The following MRPL58 variants were observed in gnomAD, a reference collection of about 807,000 sequenced individuals.
MRPL58 encodes the protein mitochondrial ribosomal protein L58, also known as large ribosomal subunit protein mL62.
Under a neutral mutation model 26.0 loss-of-function variants are expected in MRPL58, and 17 were observed. That is an observed-to-expected ratio of 0.65 (90% CI 0.45 to 0.98). The LOEUF (loss-of-function observed/expected upper bound fraction) is 0.98, where lower values mean the gene tolerates loss of function less well. MRPL58 is among the 50% of genes least tolerant of loss of function. The pLI is 0.00. For synonymous variants in MRPL58, 100 were observed against 99.7 expected, an observed-to-expected ratio of 1.00 and a Z score of -0.02; for missense variants, 250 against 269.0, an observed-to-expected ratio of 0.93 and a Z score of 0.49.
chr17:75,020,477 G>C lies in MRPL58; in HGVS notation c.367-11G>C. 6.2e-7 allele frequency: 1 copy of C among 1,613,728 alleles called. No homozygotes were observed. Among genetic ancestry groups the C allele is most frequent in the Non-Finnish European group, 8.5e-7 (1 of 1,179,764 alleles). Reference sequence around the variant, plus strand: ...TCTGTAGGACTCCAGTTTTTCATTTGTTCTCTGCAGCATAAAAACAAGATC... The same window carrying C: ...TCTGTAGGACTCCAGTTTTTCATTTCTTCTCTGCAGCATAAAAACAAGATC... On this transcript the variant is annotated splice_polypyrimidine_tract_variant and intron_variant, in intron 4 of 5. Coordinates refer to ENST00000301585, the MANE Select transcript of MRPL58 (RefSeq NM_001545.3).
At chr17:75,016,935 G>A (rs1271866821) in intron 1 of MRPL58, 143 bp from the exon 2 acceptor site, 6 of 706,804 alleles carry the variant, frequency 8.5e-6, no homozygotes, top group Middle Eastern at 2.9e-4. Flanking sequence ...TTCTGTCATC[G>A]TGATATCATT....
At position 75,020,370 on chromosome 17, in the gene MRPL58, C is replaced by G; in HGVS notation, c.341C>G (p.Pro114Arg). 6.2e-7 allele frequency: 1 copy of G among 1,614,114 alleles called. No individual in the cohort carries two copies. Among genetic ancestry groups the G allele is most frequent in the South Asian group, 1.1e-5 (1 of 91,082 alleles). ...GCAACTGCCGAGTGGATCGCGGAGCCCGTGCGGCAGAAGATAGCCATCACG... is the reference window on the plus strand; with the variant it reads ...GCAACTGCCGAGTGGATCGCGGAGCGCGTGCGGCAGAAGATAGCCATCACG... The part of the protein sequence containing the change: ...HLATAEWIAE[P>R]VRQKIAITHK... Residue 114 changes from proline to arginine, a missense_variant, in exon 4 of 6, where the codon CCC becomes CGC. By Grantham distance (103) the Pro-to-Arg change is moderately radical (BLOSUM62 -2). Coordinates refer to ENST00000301585, the MANE Select transcript of MRPL58 (RefSeq NM_001545.3).
chr17:75,017,041 G>A (rs762362335), intron 1 of MRPL58, 37 bp from the exon 2 acceptor site: 3 of 1,554,652 alleles, frequency 1.9e-6, no homozygotes, highest in Middle Eastern at 1.7e-4. Context: ...CACCCAGCAG[G>A]TAATATTTAT....
rs1255191179 is a variant in MRPL58, at chr17:75,012,771, G to A, written c.85G>A (p.Ala29Thr). The change falls in exon 1 of 6, where the codon GCG becomes ACG. Residue 29 changes from alanine (A) to threonine (T), a missense_variant. Physicochemically the swap from Ala to Thr is moderately conservative, Grantham distance 58 (BLOSUM62 0). Coordinates refer to ENST00000301585, the MANE Select transcript of MRPL58 (RefSeq NM_001545.3). ...ACCGCCCGCACGGTGCCCACGCCGGGCGCTGCACAAGCAGAAAGACGGCAC... is the reference window on the plus strand; with the variant it reads ...ACCGCCCGCACGGTGCCCACGCCGGACGCTGCACAAGCAGAAAGACGGCAC... ...LPPPARCPRRALHKQKDGTEF... is the reference protein window; with the variant it reads ...LPPPARCPRRTLHKQKDGTEF... 6 of 1,601,522 alleles carry A rather than the reference G, an allele frequency of 3.7e-6. No homozygotes were observed. The highest frequency in any genetic ancestry group is 1.3e-5 in the African/African-American group (1 of 74,494).
chr17:75,013,034 G>T (rs2039944685), intron 1 of MRPL58, among the ~76,000 whole-genome samples, 162 bp downstream of exon 1: 1 of 152,190 alleles, frequency 6.6e-6, no homozygotes, highest in Non-Finnish European at 1.5e-5. Flanking sequence ...CGGGAGTGGG[G>T]TGCTCGCTGT....
chr17:75,014,118 A>C (rs1438301289), intron 1 of MRPL58, among the ~76,000 whole-genome samples: 1 of 151,740 alleles, frequency 6.6e-6, no homozygotes, highest in Non-Finnish European at 1.5e-5. Context: ...GAAAGCCTGC[A>C]AGATTTGCTA....
Position 75,020,385 on chromosome 17 carries a change from T to C in MRPL58, c.356T>C (p.Ile119Thr), listed in dbSNP as rs1218861833. 1.2e-6 allele frequency: 2 copies of C among 1,614,114 alleles called. No individual in the cohort carries two copies. The highest frequency in any genetic ancestry group is 1.7e-6 in the Non-Finnish European group (2 of 1,179,988). The change falls in exon 4 of 6, where the codon ATA (isoleucine) becomes ACA (threonine). Residue 119 changes from isoleucine to threonine, a missense_variant. Physicochemically the swap from Ile to Thr is moderately conservative, Grantham distance 89 (BLOSUM62 -1). Coordinates refer to ENST00000301585, the MANE Select transcript of MRPL58 (RefSeq NM_001545.3). ...EWIAEPVRQKIAITHKNKINR... is the reference protein window; with the variant it reads ...EWIAEPVRQKTAITHKNKINR... Reference sequence around the variant, plus strand: ...ATCGCGGAGCCCGTGCGGCAGAAGATAGCCATCACGGTAACCACCATCCCT... The same window carrying C: ...ATCGCGGAGCCCGTGCGGCAGAAGACAGCCATCACGGTAACCACCATCCCT...
chr17:75,014,279 G>A (rs1360012987), intron 1 of MRPL58, among the ~76,000 whole-genome samples: 3 of 143,416 alleles, frequency 2.1e-5, no homozygotes, highest in East Asian at 2.1e-4. Flanking sequence ...TCCGCCTCCC[G>A]GGTTCACGCC....
intron 2 of MRPL58, among the ~76,000 whole-genome samples, chr17:75,017,650 A>T (rs2039983704): frequency 1.3e-5 from 2 of 152,180 alleles, no homozygotes. Context: ...TGGGAGGCTG[A>T]GGCAGAAGAA....
chr17:75,018,351 C>A (rs1465089166), intron 2 of MRPL58, among the ~76,000 whole-genome samples: 1 of 151,986 alleles, frequency 6.6e-6, no homozygotes, highest in Non-Finnish European at 1.5e-5. Flanking sequence ...CCTGCCTCAG[C>A]CTCCCGAGTA....
rs763485977 is a variant in MRPL58 at position 75,012,834 on chromosome 17, C to G, written c.148C>G (p.Pro50Ala). Residue 50 changes from proline (P) to alanine (A), a missense_variant, in exon 1 of 6, where the codon CCC becomes GCC. Coordinates refer to ENST00000301585, the MANE Select transcript of MRPL58 (RefSeq NM_001545.3). Reference protein sequence around the residue: ...KSIYSLDKLYPESQGSDTAWR... With the variant: ...KSIYSLDKLYAESQGSDTAWR... ...CATCTACAGCCTGGACAAGCTCTAC[C>G]CCGAATCTCAGGGCTCGGACACCGC... The G allele has an allele frequency of 1.2e-6, 2 of 1,612,196 alleles. No homozygotes were observed.
Position 75,012,751 on chromosome 17 carries a change from C to T in MRPL58, c.65C>T (p.Pro22Leu), listed in dbSNP as rs1247581632. 13 of 1,589,790 alleles carry T rather than the reference C, an allele frequency of 8.2e-6. No homozygotes were observed. Among genetic ancestry groups the T allele is most frequent in the African/African-American group, 1.3e-5 (1 of 74,264 alleles). Residue 22 changes from proline (P) to leucine (L), a missense_variant, in exon 1 of 6, where the codon CCC becomes CTC. By Grantham distance (98) the Pro-to-Leu change is moderately conservative. Coordinates refer to ENST00000301585, the MANE Select transcript of MRPL58 (RefSeq NM_001545.3). ...SRAGVWLLPP[P>L]ARCPRRALHK... ...GCCGGAGTCTGGCTGCTCCCACCGC[C>T]CGCACGGTGCCCACGCCGGGCGCTG...
intron 1 of MRPL58, among the ~76,000 whole-genome samples, chr17:75,013,936 G>A (rs2039952576): frequency 6.6e-6 from 1 of 152,116 alleles, no homozygotes. Context: ...AAGCAGAATG[G>A]AATTATCTTA....
chr17:75,017,928 G>GA (rs34525179), intron 2 of MRPL58, among the ~76,000 whole-genome samples: 86,324 of 147,146 alleles, frequency 0.59, 26,342 homozygotes, highest in East Asian at 0.84. Context: ...TGTCTCAGAC[G>GA]AAAAAAAAAA....
intron 1 of MRPL58, among the ~76,000 whole-genome samples, chr17:75,014,316 G>A (rs572617019): frequency 6.0e-5 from 9 of 148,782 alleles, no homozygotes; most frequent in African/African-American, 9.9e-5. Flanking sequence ...CTCCTGAGTA[G>A]CTGGGACTAC....
chr17:75,015,288 A>G (rs1229435599), intron 1 of MRPL58, among the ~76,000 whole-genome samples: 3 of 152,252 alleles, frequency 2.0e-5, no homozygotes, highest in South Asian at 2.1e-4. Context: ...GTTCGAGACC[A>G]GCCTGGCCAA....
chr17:75,017,874 A>T (rs1159970011), intron 2 of MRPL58, among the ~76,000 whole-genome samples: 1 of 152,098 alleles, frequency 6.6e-6, no homozygotes, highest in Admixed American at 6.5e-5. Flanking sequence ...TGGTGAGTTG[A>T]GATCGCACCA....
rs1598670799 is a variant in MRPL58 at position 75,020,511 on chromosome 17, A to G, written c.390A>G (p.Leu130=). 1 of 1,614,136 alleles carries G rather than the reference A, an allele frequency of 6.2e-7. No individual in the cohort carries two copies. ...AGCATAAAAACAAGATCAACAGGTT[A>G]GGAGAGTTGATCCTCACCTCTGAGA... is the stretch of plus-strand genomic sequence containing the variant. ...AITHKNKINR[L]GELILTSESS... Residue 130 remains leucine, a synonymous_variant, in exon 5 of 6, where the codon TTA becomes TTG. Coordinates refer to ENST00000301585, the MANE Select transcript of MRPL58 (RefSeq NM_001545.3).
At chr17:75,020,804 C>T (rs1024593149) in intron 5 of MRPL58, 117 bp from the exon 6 acceptor site, 4 of 1,185,084 alleles carry the variant, frequency 3.4e-6, no homozygotes, top group South Asian at 1.3e-5. Flanking sequence ...CCGAGGCCTG[C>T]GGGCTAGTGC....
Sources: allele counts gnomAD v4.1 joint callset (sites outside exome capture counted in the v4.1 genomes callset), GRCh38; gene constraint gnomAD v4.1.1; transcripts MANE v1.5; gene names NCBI Gene and HGNC (gene_info 2026-07-23, HGNC 2026-07-21).